Variants in CELF2 observed in about 807,000 individuals in gnomAD.
The protein encoded by CELF2 is CUG triplet repeat RNA-binding protein 2.
CELF2 carries 8 observed loss-of-function variants against 62.6 expected under a neutral mutation model. The observed-to-expected ratio is 0.13, with a 90% CI of 0.07 to 0.23. The LOEUF is 0.23. Ranked by LOEUF, CELF2 falls within the 10% of genes least tolerant of loss-of-function variation. CELF2 has a pLI of 1.00. For missense variants in CELF2, 333 were observed against 671.0 expected (o/e 0.50, Z 5.56); for synonymous variants, 258 against 250.0 (o/e 1.03, Z -0.30).
chr10:10,574,513 A>C, the CELF2 span, among the ~76,000 whole-genome samples: 5 of 152,308 alleles, frequency 3.3e-5, no homozygotes, highest in East Asian at 3.9e-4. Context: ...ACAAGGGATA[A>C]ATTTTTAATT....
chr10:10,926,479 T>C (rs2065468225), intron 2 of CELF2, among the ~76,000 whole-genome samples: 1 of 152,242 alleles, frequency 6.6e-6, no homozygotes, highest in Admixed American at 6.5e-5. Context: ...TGAATCTCTG[T>C]TCTTTGTCAA....
rs2074838760 is a variant in CELF2, at chr10:11,244,017, CCTGCTGTCTA to C, written c.355-5132_355-5123del. 6.6e-6 allele frequency among the ~76,000 whole-genome samples: 1 copy of C among 152,210 alleles called. No individual in the cohort carries two copies. The highest frequency in any genetic ancestry group is 1.5e-5 in the Non-Finnish European group (1 of 68,040). ...ACATCACCTGGGCCCTCCCCCGTCT[CCTGCTGTCTA>C]CTGGGACCTGCAGGCATGTGCAGGG... On this transcript the variant is annotated intron_variant, in intron 3 of 12. Transcript: ENST00000633077. The surrounding 1 kb of genome is among the most constrained non-coding windows in gnomAD (Gnocchi z 4.2).
the CELF2 span, among the ~76,000 whole-genome samples, chr10:10,752,378 A>C: frequency 6.6e-6 from 1 of 152,168 alleles, no homozygotes. Context: ...TTAGCAGGAC[A>C]TGACGTTTTG....
chr10:11,053,466 G>A (rs949373088), intron 1 of CELF2, among the ~76,000 whole-genome samples: 4 of 151,986 alleles, frequency 2.6e-5, no homozygotes, highest in African/African-American at 9.7e-5. Context: ...GGATGGATTA[G>A]GGGGAAATAC....
the CELF2 span, among the ~76,000 whole-genome samples, chr10:10,771,271 A>G: frequency 6.6e-6 from 1 of 152,148 alleles, no homozygotes; most frequent in Non-Finnish European, 1.5e-5. Flanking sequence ...ACTTTCTCTG[A>G]GACTGAGAAA....
chr10:10,534,370 G>A, the CELF2 span, among the ~76,000 whole-genome samples: 1 of 152,154 alleles, frequency 6.6e-6, no homozygotes, highest in African/African-American at 2.4e-5. Flanking sequence ...TTTGAAAGTG[G>A]GGAGACCGGA....
At chr10:11,248,384 A>T (rs2076229072) in intron 3 of CELF2, among the ~76,000 whole-genome samples, 1 of 152,048 alleles carries the variant, frequency 6.6e-6, no homozygotes, top group Admixed American at 6.5e-5. Flanking sequence ...TACTCCTGTC[A>T]TGTACTGGAC....
rs1208276963 is a variant in CELF2 at position 11,105,386 on chromosome 10, G to A, written c.75-60100G>A. 7 of 152,152 alleles carry A rather than the reference G, an allele frequency of 4.6e-5. No homozygotes were observed. The South Asian group carries it at 8.3e-4, about 18-fold the overall frequency. 9.4% of individuals were successfully genotyped at this position (152,152 alleles called of 1,614,324 possible). On this transcript the variant is annotated intron_variant, in intron 1 of 12. Transcript: ENST00000633077. The stretch of plus-strand genomic sequence containing the variant: ...GTTACCTATCCCAAAGTGGTGTTAC[G>A]GAGACCAAGGGAGGTTTTGTTTGTA...
chr10:10,731,213 A>G, the CELF2 span, among the ~76,000 whole-genome samples: 1 of 152,082 alleles, frequency 6.6e-6, no homozygotes, highest in East Asian at 1.9e-4. Flanking sequence ...AATTGGATTT[A>G]TATGTTAAGG....
the CELF2 span, among the ~76,000 whole-genome samples, chr10:10,752,551 G>A: frequency 3.2e-3 from 487 of 151,142 alleles, no homozygotes; most frequent in African/African-American, 0.011. Context: ...TTAGCTGAGC[G>A]TGGTGGTGCA....
chr10:10,757,692 T>C, the CELF2 span, among the ~76,000 whole-genome samples: 1 of 151,460 alleles, frequency 6.6e-6, no homozygotes, highest in African/African-American at 2.4e-5. Flanking sequence ...TACTTGTCTT[T>C]AAATATATAG....
chr10:11,104,823 C>T (rs960982932), intron 1 of CELF2, among the ~76,000 whole-genome samples: 1 of 152,178 alleles, frequency 6.6e-6, no homozygotes, highest in Non-Finnish European at 1.5e-5. Context: ...TCTGGGAAAA[C>T]AATGACATGT....
At chr10:10,876,500 A>G (rs1244584154) in intron 1 of CELF2, among the ~76,000 whole-genome samples, 1 of 152,326 alleles carries the variant, frequency 6.6e-6, no homozygotes, top group East Asian at 1.9e-4. Flanking sequence ...CTCACCTGCC[A>G]GAGACTCTCA....
chr10:10,985,118 G>A (rs1270191259), intron 2 of CELF2, among the ~76,000 whole-genome samples: 2 of 152,100 alleles, frequency 1.3e-5, no homozygotes, highest in African/African-American at 2.4e-5. Context: ...TAACATCTAC[G>A]AAGATGTTTA....
chr10:11,094,172 C>G (rs959559132), intron 1 of CELF2, among the ~76,000 whole-genome samples: 1 of 152,190 alleles, frequency 6.6e-6, no homozygotes, highest in Non-Finnish European at 1.5e-5. Flanking sequence ...AATTAACTTG[C>G]TGGCGACCTA....
At chr10:11,115,900 A>C (rs2056453523) in intron 1 of CELF2, among the ~76,000 whole-genome samples, 1 of 152,174 alleles carries the variant, frequency 6.6e-6, no homozygotes. Context: ...CTGATTTTTC[A>C]CATCTTGTAC....
At chr10:11,291,972 T>G (rs543325877) in intron 9 of CELF2, among the ~76,000 whole-genome samples, 1 of 152,346 alleles carries the variant, frequency 6.6e-6, no homozygotes, top group South Asian at 2.1e-4. Context: ...TTCTTCTGTC[T>G]TCTTCTTTAA....
At chr10:10,565,534 C>T in the CELF2 span, among the ~76,000 whole-genome samples, 78,130 of 152,078 alleles carry the variant, frequency 0.51, 21,573 homozygotes, top group African/African-American at 0.72. Context: ...GGATGAGCAA[C>T]GCCGCTCCTT....
At chr10:11,007,211 A>C (rs1326541121) in intron 1 of CELF2, among the ~76,000 whole-genome samples, 1 of 152,196 alleles carries the variant, frequency 6.6e-6, no homozygotes, top group Admixed American at 6.5e-5. Flanking sequence ...TTGAAGGGTA[A>C]TTTTTCAAAC....
Sources: allele counts gnomAD v4.1 joint callset (sites outside exome capture counted in the v4.1 genomes callset), GRCh38; gene constraint gnomAD v4.1.1; non-coding constraint Gnocchi (gnomAD v3.1); transcripts MANE v1.5; gene names NCBI Gene and HGNC (gene_info 2026-07-23, HGNC 2026-07-21).